The following GRID2 variants were observed in gnomAD, a reference collection of about 807,000 sequenced individuals.
GRID2 encodes glutamate receptor ionotropic, delta-2.
Under a neutral mutation model 114.8 loss-of-function variants are expected in GRID2, and 33 were observed. The ratio of observed to expected loss-of-function variants is 0.29; its 90% CI spans 0.22 to 0.38. The LOEUF (loss-of-function observed/expected upper bound fraction) is 0.38, where lower values mean the gene tolerates loss of function less well. Among genes scored for constraint, GRID2 ranks in the 10% least tolerant of loss-of-function variants. The probability of loss-of-function intolerance (pLI) is 1.00; values close to 1 mark genes in which losing one functional copy is unlikely to be tolerated. For synonymous variants in GRID2, 505 were observed against 449.9 expected, an observed-to-expected ratio of 1.12 and a Z score of -1.55; for missense variants, 1,184 against 1,257.7, an observed-to-expected ratio of 0.94 and a Z score of 0.89.
chr4:92,426,192 C>T (rs963035630), intron 1 of GRID2, among the ~76,000 whole-genome samples: 2 of 152,092 alleles, frequency 1.3e-5, no homozygotes, highest in Non-Finnish European at 1.5e-5. Flanking sequence ...AGTTATGTCA[C>T]ATTTAATGAA....
chr4:92,929,568 AT>A (rs1290304847), intron 2 of GRID2, among the ~76,000 whole-genome samples: 1 of 151,424 alleles, frequency 6.6e-6, no homozygotes, highest in Non-Finnish European at 1.5e-5. Context: ...CTGTCTGATA[AT>A]ATTGTAACTT....
chr4:92,770,516 G>C (rs541275979), intron 2 of GRID2, among the ~76,000 whole-genome samples: 2 of 152,182 alleles, frequency 1.3e-5, no homozygotes, highest in African/African-American at 4.8e-5. Flanking sequence ...TGCTGATAAA[G>C]ACATACCCGA....
chr4:92,848,304 A>C (rs1743493105), intron 2 of GRID2, among the ~76,000 whole-genome samples: 1 of 151,646 alleles, frequency 6.6e-6, no homozygotes, highest in South Asian at 2.1e-4. Context: ...GTAGAGACAC[A>C]AGTTAGGCTT....
chr4:92,620,937 T>TATA (rs572412806), intron 2 of GRID2, among the ~76,000 whole-genome samples: 95 of 134,358 alleles, frequency 7.1e-4, no homozygotes, highest in African/African-American at 1.9e-3. Flanking sequence ...AAACTTAAAG[T>TATA]ATAATAATAA....
At chr4:93,018,898 A>T (rs1723019794) in intron 2 of GRID2, among the ~76,000 whole-genome samples, 1 of 152,134 alleles carries the variant, frequency 6.6e-6, no homozygotes, top group Non-Finnish European at 1.5e-5. Flanking sequence ...AAACTTTTAC[A>T]TTAAAAGTAA....
chr4:93,723,041 T>A (rs1245082382), intron 14 of GRID2, among the ~76,000 whole-genome samples: 2 of 152,194 alleles, frequency 1.3e-5, no homozygotes, highest in Non-Finnish European at 2.9e-5. Flanking sequence ...TTTTTATGAT[T>A]TTCTCTTTGT....
intron 1 of GRID2, among the ~76,000 whole-genome samples, chr4:92,333,359 T>G (rs1726992029): frequency 6.6e-6 from 1 of 152,214 alleles, no homozygotes; most frequent in African/African-American, 2.4e-5. Context: ...CAGTGAATGC[T>G]GAGGCCCCAC....
chr4:93,570,257 C>T (rs1422265097), intron 13 of GRID2, among the ~76,000 whole-genome samples: 1 of 152,156 alleles, frequency 6.6e-6, no homozygotes, highest in East Asian at 1.9e-4. Flanking sequence ...TACTTTTCCC[C>T]TGTTTCTGGA....
chr4:93,674,850 T>C (rs1724714696), intron 14 of GRID2, among the ~76,000 whole-genome samples: 2 of 152,164 alleles, frequency 1.3e-5, no homozygotes, highest in African/African-American at 4.8e-5. Context: ...ATATCTGCTA[T>C]ATAATGAAAG....
chr4:93,429,798 T>A (rs1769226939), intron 10 of GRID2, among the ~76,000 whole-genome samples: 1 of 152,220 alleles, frequency 6.6e-6, no homozygotes, highest in South Asian at 2.1e-4. Context: ...ATAGCACCAT[T>A]GAGAGTCCTA....
chr4:92,777,941 A>G (rs2149356646), intron 2 of GRID2, among the ~76,000 whole-genome samples: 1 of 152,244 alleles, frequency 6.6e-6, no homozygotes, highest in African/African-American at 2.4e-5. Flanking sequence ...TAGGGGACTA[A>G]TACAGGGAGT....
intron 2 of GRID2, among the ~76,000 whole-genome samples, chr4:92,734,815 G>A (rs1041010011): frequency 1.3e-4 from 13 of 101,766 alleles, no homozygotes; most frequent in African/African-American, 2.3e-4. Flanking sequence ...GTCTTGTTCT[G>A]TCACTCAGCC....
intron 1 of GRID2, among the ~76,000 whole-genome samples, chr4:92,482,103 T>TTA (rs1333084848): frequency 2.1e-5 from 3 of 141,322 alleles, no homozygotes; most frequent in Non-Finnish European, 1.5e-5. Context: ...ATATCTATAT[T>TTA]TATATATATA....
intron 13 of GRID2, among the ~76,000 whole-genome samples, chr4:93,618,981 A>T (rs1232873959): frequency 6.6e-6 from 1 of 152,246 alleles, no homozygotes; most frequent in East Asian, 1.9e-4. Context: ...TCTCCAAAAG[A>T]ACAGGCAAGA....
At chr4:92,853,245 C>T (rs1743952481) in intron 2 of GRID2, among the ~76,000 whole-genome samples, 2 of 151,536 alleles carry the variant, frequency 1.3e-5, no homozygotes, top group Non-Finnish European at 2.9e-5. Flanking sequence ...TCAGGAAGTG[C>T]CAAAGTGGAT....
intron 8 of GRID2, among the ~76,000 whole-genome samples, chr4:93,322,785 T>A (rs2149212037): frequency 6.6e-6 from 1 of 152,350 alleles, no homozygotes; most frequent in South Asian, 2.1e-4. Context: ...TTTGCATTTC[T>A]CTGATGGGCA....
chr4:92,342,540 T>A (rs1463236255), intron 1 of GRID2, among the ~76,000 whole-genome samples: 2 of 152,182 alleles, frequency 1.3e-5, no homozygotes, highest in Admixed American at 1.3e-4. Context: ...AACTCTAGAA[T>A]GTTTAGGAAG....
chr4:93,212,208 T>G (rs1211990140), intron 5 of GRID2, among the ~76,000 whole-genome samples: 4 of 152,188 alleles, frequency 2.6e-5, no homozygotes, highest in Non-Finnish European at 5.9e-5. Flanking sequence ...AGCTATTATT[T>G]TGTTGCTAAT....
intron 2 of GRID2, among the ~76,000 whole-genome samples, chr4:93,035,384 G>A (rs1724842682): frequency 6.6e-6 from 1 of 152,108 alleles, no homozygotes; most frequent in Non-Finnish European, 1.5e-5. Context: ...GTACTGCTGG[G>A]ATTGCAGGTG....
Sources: allele counts gnomAD v4.1 joint callset (sites outside exome capture counted in the v4.1 genomes callset), GRCh38; gene constraint gnomAD v4.1.1; transcripts MANE v1.5; gene names NCBI Gene and HGNC (gene_info 2026-07-23, HGNC 2026-07-21).